Variants in BBX observed in about 807,000 individuals in gnomAD.
BBX encodes HMG box transcription factor BBX.
BBX carries 30 observed loss-of-function variants against 100.2 expected under a neutral mutation model. That is an observed-to-expected ratio of 0.30 (90% CI 0.22 to 0.41). The LOEUF is 0.41. Ranked by LOEUF, BBX falls within the 10% of genes least tolerant of loss-of-function variation. The probability of loss-of-function intolerance (pLI) is 1.00; values close to 1 mark genes in which losing one functional copy is unlikely to be tolerated. For missense variants in BBX, 1,023 were observed against 1,129.8 expected (o/e 0.91, Z 1.35); for synonymous variants, 376 against 388.1 (o/e 0.97, Z 0.37).
intron 2 of BBX, among the ~76,000 whole-genome samples, chr3:107,555,890 A>G (rs2050063530): frequency 6.6e-6 from 1 of 152,238 alleles, no homozygotes; most frequent in African/African-American, 2.4e-5. Context: ...CAGAACTGTT[A>G]TAAACTGTTG....
At chr3:107,734,086 T>A (rs1284963717) in intron 7 of BBX, among the ~76,000 whole-genome samples, 1 of 152,196 alleles carries the variant, frequency 6.6e-6, no homozygotes, top group Non-Finnish European at 1.5e-5. Context: ...TCATATTTTT[T>A]ACTTTTTGTT....
At chr3:107,672,757 A>C (rs2059084266) in intron 3 of BBX, among the ~76,000 whole-genome samples, 1 of 152,072 alleles carries the variant, frequency 6.6e-6, no homozygotes. Flanking sequence ...GTGGGTGCTC[A>C]CTACATTCAC....
intron 1 of BBX, 197 bp downstream of exon 1, chr3:107,523,304 G>A (rs957539831): frequency 3.4e-4 from 56 of 165,784 alleles, no homozygotes; most frequent in African/African-American, 1.2e-3. Flanking sequence ...CGGAGCCGCC[G>A]CCAGCCGGCC....
intron 10 of BBX, among the ~76,000 whole-genome samples, chr3:107,762,600 T>C (rs2065983095): frequency 6.6e-6 from 1 of 152,192 alleles, no homozygotes; most frequent in Non-Finnish European, 1.5e-5. Context: ...TGGCAGATAA[T>C]AAGCCAGTAC....
At position 107,659,741 on chromosome 3, in the gene BBX, A is replaced by G. The variant is rs762106263; in HGVS notation, c.-10+13832A>G. On this transcript the variant is annotated intron_variant, in intron 3 of 17. Coordinates refer to ENST00000325805, the MANE Select transcript of BBX (RefSeq NM_001142568.3). ...CATGTTTGGGTATCCTTTTACATTC[A>G]TGTGCATGAATGCACTGTTTATTTT... The G allele has an allele frequency of 1.8e-5, 23 of 1,284,596 alleles. No homozygotes were observed. The South Asian group carries it at 2.9e-4, about 16-fold the overall frequency. The allele number at this position is 1,284,596 out of a possible 1,614,324, so 79.6% of individuals were successfully genotyped here.
At chr3:107,622,182 G>T (rs1303385378) in intron 2 of BBX, among the ~76,000 whole-genome samples, 1 of 152,070 alleles carries the variant, frequency 6.6e-6, no homozygotes, top group Non-Finnish European at 1.5e-5. Flanking sequence ...CATATAAACG[G>T]TGTCACGTGG....
chr3:107,716,219 T>G (rs1352129993), intron 4 of BBX, among the ~76,000 whole-genome samples: 1 of 152,230 alleles, frequency 6.6e-6, no homozygotes, highest in Non-Finnish European at 1.5e-5. Flanking sequence ...ATGGGTTTAT[T>G]CATTCATTCC....
At chr3:107,612,657 T>C (rs1008707589) in intron 2 of BBX, among the ~76,000 whole-genome samples, 5 of 152,220 alleles carry the variant, frequency 3.3e-5, no homozygotes, top group Admixed American at 6.5e-5. Flanking sequence ...CAAGCACCCC[T>C]GTGGCCAACA....
At chr3:107,704,829 A>G (rs2061296379) in intron 3 of BBX, among the ~76,000 whole-genome samples, 1 of 152,164 alleles carries the variant, frequency 6.6e-6, no homozygotes, top group African/African-American at 2.4e-5. Context: ...TGCTTGACCT[A>G]ACAGAATCAA....
At chr3:107,605,137 A>G (rs997054494) in intron 2 of BBX, among the ~76,000 whole-genome samples, 13 of 152,222 alleles carry the variant, frequency 8.5e-5, no homozygotes, top group African/African-American at 2.9e-4. Context: ...TTAAAAGGAA[A>G]TGTGTTGTAT....
At chr3:107,589,866 G>C (rs1491000792) in intron 2 of BBX, among the ~76,000 whole-genome samples, 2 of 152,192 alleles carry the variant, frequency 1.3e-5, no homozygotes, top group Non-Finnish European at 2.9e-5. Flanking sequence ...GTTTTAAAGT[G>C]TGATTTTCAC....
At chr3:107,545,476 G>A (rs1030026439) in intron 2 of BBX, among the ~76,000 whole-genome samples, 4 of 152,072 alleles carry the variant, frequency 2.6e-5, no homozygotes, top group African/African-American at 4.8e-5. Context: ...ATTTTTGTAG[G>A]AGAGTAGTGA....
chr3:107,777,503 C>T (rs2067420754), intron 12 of BBX, among the ~76,000 whole-genome samples: 1 of 152,182 alleles, frequency 6.6e-6, no homozygotes. Flanking sequence ...CTACCAGGCA[C>T]AGCAGTTGTC....
At chr3:107,719,020 T>G (rs143623772) in intron 5 of BBX, among the ~76,000 whole-genome samples, 1 of 152,204 alleles carries the variant, frequency 6.6e-6, no homozygotes, top group Non-Finnish European at 1.5e-5. Flanking sequence ...CAGGTAATTG[T>G]GCTGGTGCTT....
chr3:107,691,132 C>G (rs973172109), intron 3 of BBX, among the ~76,000 whole-genome samples: 19 of 151,870 alleles, frequency 1.3e-4, no homozygotes, highest in African/African-American at 4.1e-4. Context: ...GTCTCAAACC[C>G]CTAGGCTCAA....
intron 4 of BBX, chr3:107,716,387 C>G (rs1211152176): frequency 7.2e-6 from 4 of 556,688 alleles, no homozygotes; most frequent in South Asian, 4.4e-5. Flanking sequence ...GTAATAGAGA[C>G]ATGCACAGGT....
At chr3:107,619,529 G>T (rs1470106441) in intron 2 of BBX, among the ~76,000 whole-genome samples, 1 of 150,786 alleles carries the variant, frequency 6.6e-6, no homozygotes, top group Non-Finnish European at 1.5e-5. Context: ...CCATATTTTT[G>T]TTTACCATTT....
At chr3:107,534,151 A>G (rs2048340681) in intron 2 of BBX, among the ~76,000 whole-genome samples, 1 of 152,230 alleles carries the variant, frequency 6.6e-6, no homozygotes, top group Non-Finnish European at 1.5e-5. Flanking sequence ...GTTTATTGAT[A>G]GGGCTTTCAT....
intron 3 of BBX, among the ~76,000 whole-genome samples, chr3:107,708,711 A>C (rs551610754): frequency 6.9e-4 from 105 of 152,148 alleles, no homozygotes; most frequent in Non-Finnish European, 1.2e-3. Context: ...CTTTTATTAA[A>C]AATGAAGATT....
Sources: allele counts gnomAD v4.1 joint callset (sites outside exome capture counted in the v4.1 genomes callset), GRCh38; gene constraint gnomAD v4.1.1; transcripts MANE v1.5; gene names NCBI Gene and HGNC (gene_info 2026-07-23, HGNC 2026-07-21).